Variants in SOD2 observed in about 807,000 individuals in gnomAD.
SOD2 encodes superoxide dismutase 2, also known as superoxide dismutase [Mn], mitochondrial.
In SOD2, 11 loss-of-function variants were observed where a neutral mutation model predicts 27.0. The ratio of observed to expected loss-of-function variants is 0.41; its 90% confidence interval spans 0.26 to 0.67. SOD2 has a LOEUF of 0.67. Among genes scored for constraint, SOD2 ranks in the 30% least tolerant of loss-of-function variants. SOD2 has a pLI of 0.34. For synonymous variants in SOD2, 105 were observed against 103.0 expected, an observed-to-expected ratio of 1.02 and a Z score of -0.12; for missense variants, 250 against 274.5, an observed-to-expected ratio of 0.91 and a Z score of 0.63.
intron 1 of SOD2, chr6:159,726,144 C>T (rs1333884776): frequency 6.6e-6 from 1 of 152,512 alleles, no homozygotes; most frequent in Non-Finnish European, 1.5e-5. Flanking sequence ...ATTTTGTACT[C>T]CGTGGAACTT....
At chr6:159,739,153 C>T (rs761246695) in intron 1 of SOD2, 2 of 878,894 alleles carry the variant, frequency 2.3e-6, no homozygotes, top group Non-Finnish European at 3.4e-6. Context: ...TTGTTCTATC[C>T]TCAAATAATT....
chr6:159,755,476 A>G (rs752013744), intron 1 of SOD2: 11 of 1,614,086 alleles, frequency 6.8e-6, no homozygotes, highest in Middle Eastern at 1.6e-4. Context: ...TCACACACCA[A>G]TCAAATGACA....
intron 1 of SOD2, among the ~76,000 whole-genome samples, chr6:159,710,290 A>AT (rs1562436109): frequency 9.6e-5 from 9 of 94,032 alleles, no homozygotes; most frequent in African/African-American, 2.9e-4. Flanking sequence ...TATATATATA[A>AT]AATACAAAAA....
intron 1 of SOD2, chr6:159,753,244 G>T: frequency 1.7e-6 from 1 of 580,832 alleles, no homozygotes. Context: ...TAGCTGTTTG[G>T]GCACTTTTTG....
At chr6:159,726,250 G>A (rs1340294146) in intron 1 of SOD2, 1 of 152,476 alleles carries the variant, frequency 6.6e-6, no homozygotes, top group Non-Finnish European at 1.5e-5. Flanking sequence ...AGACCATTAC[G>A]GTATTTTTTC....
rs370683426 is a variant in SOD2 at position 159,711,945 on chromosome 6, T to C, written c.-116+15184A>G. Among the ~76,000 whole-genome samples, 627 of 85,982 alleles carry C rather than the reference T, an allele frequency of 7.3e-3. 3 individuals are homozygous for C. Among genetic ancestry groups the C allele is most frequent in the South Asian group, 0.014 (30 of 2,152 alleles). 56.4% of individuals were successfully genotyped at this position (85,982 alleles called of 152,430 possible). On this transcript the variant is annotated intron_variant, in intron 1 of 2. Transcript: ENST00000401980. ...ACCACCTCCACAACCACCACTCACA[T>C]TGCTCTGATCACCATAACCACCTCC...
chr6:159,682,417 C>T lies in SOD2; in HGVS notation c.*76G>A. 1.6e-6 allele frequency: 2 copies of T among 1,235,206 alleles called. No homozygotes were observed. The highest frequency in any genetic ancestry group is 2.2e-6 in the Non-Finnish European group (2 of 905,898). The allele number at this position is 1,235,206 out of a possible 1,614,324, so 76.5% of individuals were successfully genotyped here. On this transcript the variant is annotated 3_prime_UTR_variant, in exon 5 of 5. Transcript: ENST00000538183. ...AGAAATGCTACAATAGAGCAGCTTA[C>T]TGTATTCTGCAGTACTCTATACCAC...
At chr6:159,743,559 A>T in intron 1 of SOD2, 1 of 1,106,302 alleles carries the variant, frequency 9.0e-7, no homozygotes, top group Non-Finnish European at 1.2e-6. Flanking sequence ...TAGGATGGAA[A>T]CTAAAGACTT....
At chr6:159,693,648 G>A (rs932485281), upstream of SOD2, among the ~76,000 whole-genome samples, 3 of 152,182 alleles carry the variant, frequency 2.0e-5, no homozygotes, top group Non-Finnish European at 2.9e-5. Context: ...AGTTTTGGTT[G>A]CGCTGCCGGG....
At chr6:159,698,587 A>G (rs932053545) in intron 1 of SOD2, among the ~76,000 whole-genome samples, 1 of 146,720 alleles carries the variant, frequency 6.8e-6, no homozygotes, top group Non-Finnish European at 1.5e-5. Flanking sequence ...AAAAAAAAAA[A>G]AAAAAAAAAA....
intron 2 of SOD2, chr6:159,691,841 T>C (rs1232939583): frequency 6.6e-6 from 1 of 152,174 alleles, no homozygotes; most frequent in Non-Finnish European, 1.5e-5. Context: ...CCTTGTGAAC[T>C]TTGACCCCTA....
chr6:159,721,368 T>TTTTA (rs200244867), intron 1 of SOD2, among the ~76,000 whole-genome samples: 3 of 140,136 alleles, frequency 2.1e-5, no homozygotes, highest in African/African-American at 8.0e-5. Flanking sequence ...TGCCCAGCCG[T>TTTTA]TTTATTTATT....
intron 1 of SOD2, among the ~76,000 whole-genome samples, chr6:159,751,390 T>A (rs1779814849): frequency 6.6e-6 from 1 of 152,254 alleles, no homozygotes; most frequent in African/African-American, 2.4e-5. Flanking sequence ...GAAGGTTAGT[T>A]GTAAACACCA....
intron 1 of SOD2, among the ~76,000 whole-genome samples, chr6:159,710,739 A>ACCATAACCACCACTCAGCTGCTCTGACCT (rs1777721337): frequency 2.1e-5 from 3 of 145,170 alleles, no homozygotes; most frequent in African/African-American, 7.6e-5. Context: ...TGCTCTGACC[A>ACCATAACCACCACTCAGCTGCTCTGACCT]CCATAACCAC....
rs752764069 is a variant in SOD2, at chr6:159,693,181, G to A, written c.-14C>T. On this transcript the variant is annotated 5_prime_UTR_variant, in exon 1 of 5. Coordinates refer to ENST00000538183, the MANE Select transcript of SOD2 (RefSeq NM_000636.4). ...CCGGCTCAACATGCTGCTAGTGCTG[G>A]TGCTACCGCTGATGCCGCCGATCTG... 5.9e-6 allele frequency: 9 copies of A among 1,527,026 alleles called. No homozygotes were observed. In the South Asian group the frequency reaches 1.1e-4, roughly 19 times the overall value. 94.6% of individuals were successfully genotyped at this position (1,527,026 alleles called of 1,614,324 possible). A position where few individuals can be genotyped will look rare whatever the true frequency, so the allele number is the denominator to read the frequency against.
chr6:159,747,514 C>G (rs892653418), upstream of SOD2, among the ~76,000 whole-genome samples: 1 of 152,098 alleles, frequency 6.6e-6, no homozygotes, highest in Non-Finnish European at 1.5e-5. Flanking sequence ...GGCTTAAGGT[C>G]CTATAGAGTT....
chr6:159,753,602 A>G lies in SOD2; in HGVS notation c.-335-4926T>C. 3 of 1,611,588 alleles carry G rather than the reference A, an allele frequency of 1.9e-6. No homozygotes were observed. The South Asian group carries it at 3.3e-5, about 18-fold the overall frequency. Reference sequence around the variant, plus strand: ...GAAGAAATACAGTGAGGAGCTTAAAAGCAGTCAGGATGGTAAGGGGTTTGT... The same window carrying G: ...GAAGAAATACAGTGAGGAGCTTAAAGGCAGTCAGGATGGTAAGGGGTTTGT... On this transcript the variant is annotated intron_variant, in intron 1 of 7. Transcript: ENST00000546087.
intron 1 of SOD2, chr6:159,756,354 G>T (rs1039592897): frequency 2.0e-5 from 3 of 152,386 alleles, no homozygotes; most frequent in Non-Finnish European, 4.4e-5. Context: ...TGTATGTTTA[G>T]CATTTGTCAT....
chr6:159,713,907 T>C, intron 1 of SOD2: 1 of 912,300 alleles, frequency 1.1e-6, no homozygotes, highest in Non-Finnish European at 1.8e-6. Flanking sequence ...GAGAAGTGCA[T>C]CACTTCATCA....
Sources: allele counts gnomAD v4.1 joint callset (sites outside exome capture counted in the v4.1 genomes callset), GRCh38; gene constraint gnomAD v4.1.1; transcripts MANE v1.5; gene names NCBI Gene and HGNC (gene_info 2026-07-23, HGNC 2026-07-21).